The following KDM4B variants were observed in gnomAD, a reference collection of about 807,000 sequenced individuals.
KDM4B encodes the protein lysine-specific demethylase 4B.
KDM4B carries 32 observed loss-of-function variants against 125.2 expected under a neutral mutation model. That is an observed-to-expected ratio of 0.26 (90% CI 0.19 to 0.34). The LOEUF (loss-of-function observed/expected upper bound fraction) is 0.34. Ranked by LOEUF, KDM4B falls within the 10% of genes least tolerant of loss-of-function variation. The pLI is 1.00. For missense variants in KDM4B, 1,190 were observed against 1,577.7 expected, an observed-to-expected ratio of 0.75 and a Z score of 4.16; for synonymous variants, 721 against 677.9, an observed-to-expected ratio of 1.06 and a Z score of -0.99.
intron 4 of KDM4B, 21 bp from the exon 5 acceptor site, chr19:5,041,116 T>G: frequency 2.0e-6 from 3 of 1,534,060 alleles, no homozygotes; most frequent in Non-Finnish European, 1.8e-6. Context: ...CTGAGCTGGT[T>G]TTGGGGTGTT....
chr19:5,036,363 C>T (rs2036626442), intron 3 of KDM4B, among the ~76,000 whole-genome samples: 1 of 152,254 alleles, frequency 6.6e-6, no homozygotes, highest in Non-Finnish European at 1.5e-5. Flanking sequence ...CTGAGAGGGC[C>T]CTGGAGCTGG....
intron 1 of KDM4B, among the ~76,000 whole-genome samples, chr19:4,988,043 C>G (rs1159722728): frequency 2.0e-5 from 3 of 152,170 alleles, no homozygotes; most frequent in Non-Finnish European, 1.5e-5. Context: ...TCAGTTTCTC[C>G]CAGGCTGTCA....
intron 9 of KDM4B, among the ~76,000 whole-genome samples, chr19:5,103,442 G>T (rs961285342): frequency 6.6e-6 from 1 of 152,212 alleles, no homozygotes; most frequent in African/African-American, 2.4e-5. Context: ...GGTAGCAGCG[G>T]GTCCTCTGAG....
At chr19:5,042,690 G>A (rs966840383) in intron 5 of KDM4B, among the ~76,000 whole-genome samples, 4 of 151,422 alleles carry the variant, frequency 2.6e-5, no homozygotes, top group African/African-American at 4.9e-5. Context: ...GAGGGGGGGG[G>A]CGCCGTAGGC....
At chr19:5,012,195 C>T (rs1279714247) in intron 1 of KDM4B, among the ~76,000 whole-genome samples, 1 of 151,858 alleles carries the variant, frequency 6.6e-6, no homozygotes, top group Non-Finnish European at 1.5e-5. Flanking sequence ...ACCTAAGCCA[C>T]CTGGGTCTTC....
chr19:5,076,481 ACTGAGTGACGAGAGCGGCCACACTGC>A (rs2038114486), intron 7 of KDM4B: 1 of 36,570 alleles, frequency 2.7e-5, no homozygotes. Flanking sequence ...TCTCTCGTTG[ACTGAGTGACGAGAGCGGCCACACTGC>A]ATCCTTTCCC....
rs151255258 is a variant in KDM4B at position 5,057,785 on chromosome 19, G to A, written c.626+10116G>A. On this transcript the variant is annotated intron_variant, in intron 6 of 22. Transcript: ENST00000159111. ...TTGAGGACAGGGTGTGTCCCAATTGGCGAGGGTGGCCTGAACCCGAAGGTG... is the reference window on the plus strand; with the variant it reads ...TTGAGGACAGGGTGTGTCCCAATTGACGAGGGTGGCCTGAACCCGAAGGTG... Among the ~76,000 whole-genome samples the A allele has an allele frequency of 5.7e-3, 869 of 152,356 alleles. 7 individuals are homozygous for A. Among genetic ancestry groups the A allele is most frequent in the African/African-American group, 0.02 (834 of 41,588 alleles).
At chr19:5,017,062 C>T (rs1042507495) in intron 2 of KDM4B, among the ~76,000 whole-genome samples, 1 of 152,238 alleles carries the variant, frequency 6.6e-6, no homozygotes, top group African/African-American at 2.4e-5. Flanking sequence ...GAAAGGCTGC[C>T]TTGTGCGGCG....
intron 7 of KDM4B, among the ~76,000 whole-genome samples, chr19:5,072,128 G>T (rs2037968917): frequency 6.6e-6 from 1 of 152,212 alleles, no homozygotes; most frequent in South Asian, 2.1e-4. Flanking sequence ...CTGCCTGGTT[G>T]CTGTCCTCTG....
chr19:5,094,384 G>A lies in KDM4B; in HGVS notation c.918+11880G>A, dbSNP rs566439108. Among the ~76,000 whole-genome samples the A allele has an allele frequency of 2.6e-4, 39 of 152,314 alleles. 1 individual carries two copies. The highest frequency in any genetic ancestry group is 8.9e-4 in the African/African-American group (37 of 41,578). On this transcript the variant is annotated intron_variant, in intron 9 of 22. Coordinates refer to ENST00000159111, the MANE Select transcript of KDM4B (RefSeq NM_015015.3). ...TGGCAGAGGCCAAACGTCAGAGGTCGGGGGCTGCAGTAAGGGCCTTTGAAG... is the reference window on the plus strand; with the variant it reads ...TGGCAGAGGCCAAACGTCAGAGGTCAGGGGCTGCAGTAAGGGCCTTTGAAG...
chr19:5,041,379 G>T, intron 5 of KDM4B, 128 bp downstream of exon 5: 2 of 639,360 alleles, frequency 3.1e-6, no homozygotes. Context: ...CCTCGCCCAG[G>T]CTCTGGATGC....
chr19:5,079,429 C>T (rs2038220625), intron 8 of KDM4B, among the ~76,000 whole-genome samples: 1 of 152,222 alleles, frequency 6.6e-6, no homozygotes, highest in Non-Finnish European at 1.5e-5. Flanking sequence ...TTGTCCTAAC[C>T]GAGCACATTT....
At chr19:4,969,753 G>A (rs1374821328) in intron 1 of KDM4B, among the ~76,000 whole-genome samples, 3 of 151,374 alleles carry the variant, frequency 2.0e-5, no homozygotes, top group Non-Finnish European at 3.0e-5. Flanking sequence ...GGACACCCAG[G>A]GATGCCCCCT....
At chr19:5,084,541 TTATA>T (rs1237569278) in intron 9 of KDM4B, among the ~76,000 whole-genome samples, 9 of 135,992 alleles carry the variant, frequency 6.6e-5, no homozygotes, top group Admixed American at 3.1e-4. Context: ...TATTTATATA[TTATA>T]TATAATATAT....
intron 11 of KDM4B, among the ~76,000 whole-genome samples, chr19:5,123,943 A>G (rs186849942): frequency 4.0e-4 from 46 of 113,818 alleles, no homozygotes; most frequent in African/African-American, 1.5e-3. Flanking sequence ...GGCGTGGGAC[A>G]GGGAGGTGGC....
chr19:5,111,706 G>A, intron 10 of KDM4B: 1 of 757,004 alleles, frequency 1.3e-6, no homozygotes, highest in South Asian at 1.4e-5. Context: ...GGACGGCACA[G>A]AGTGGGCTCA....
chr19:5,117,064 G>A (rs961844905), intron 10 of KDM4B, among the ~76,000 whole-genome samples: 12 of 152,066 alleles, frequency 7.9e-5, no homozygotes, highest in South Asian at 4.1e-4. Flanking sequence ...TGTCTGTGCC[G>A]CCCTTGCTGT....
rs1054665780 is a variant in KDM4B at position 5,082,308 on chromosome 19, C to T, written c.781-59C>T. The T allele has an allele frequency of 8.7e-6, 14 of 1,606,774 alleles. No individual in the cohort carries two copies. Among genetic ancestry groups the T allele is most frequent in the Non-Finnish European group, 1.2e-5 (14 of 1,176,566 alleles). On this transcript the variant is annotated intron_variant, in intron 8 of 22. Coordinates refer to ENST00000159111, the MANE Select transcript of KDM4B (RefSeq NM_015015.3). This position sits in a 1 kb window ranked among gnomAD's most constrained non-coding sequence, Gnocchi z 5.4. ...GGCACTTGCTGGGAAGTGCCCACGT[C>T]CCATCCCCTGGTGCGCCTCTGGTGG...
intron 6 of KDM4B, among the ~76,000 whole-genome samples, chr19:5,058,578 G>A (rs1319075488): frequency 1.3e-5 from 2 of 152,052 alleles, no homozygotes; most frequent in African/African-American, 4.8e-5. Context: ...CCTGGGTGTG[G>A]TGGGAGCCGG....
Sources: allele counts gnomAD v4.1 joint callset (sites outside exome capture counted in the v4.1 genomes callset), GRCh38; gene constraint gnomAD v4.1.1; non-coding constraint Gnocchi (gnomAD v3.1); transcripts MANE v1.5; gene names NCBI Gene and HGNC (gene_info 2026-07-23, HGNC 2026-07-21).